SV2C: variants seen among roughly 807,000 people sequenced by gnomAD.
SV2C encodes solute carrier family 22 member B3.
SV2C carries 49 observed loss-of-function variants against 79.7 expected under a neutral mutation model. The ratio of observed to expected loss-of-function variants is 0.61; its 90% CI spans 0.49 to 0.78. The LOEUF is 0.78. SV2C is among the 30% of genes least tolerant of loss of function. SV2C has a pLI of 0.00. For missense variants in SV2C, 833 were observed against 912.9 expected, an observed-to-expected ratio of 0.91 and a Z score of 1.13; for synonymous variants, 334 against 333.2, an observed-to-expected ratio of 1.00 and a Z score of -0.03.
At chr5:76,078,561 C>T (rs1462163810), upstream of SV2C, 1 of 323,224 alleles carries the variant, frequency 3.1e-6, no homozygotes, top group Non-Finnish European at 6.0e-6. Flanking sequence ...TCAAAACATA[C>T]TGTTTTGACT....
At chr5:76,089,463 A>G (rs1744408072) in intron 1 of SV2C, among the ~76,000 whole-genome samples, 2 of 152,114 alleles carry the variant, frequency 1.3e-5, no homozygotes, top group Admixed American at 6.5e-5. Flanking sequence ...TGTCTTTGCT[A>G]TTGTGAATAG....
At chr5:76,291,988 G>T in intron 8 of SV2C, 132 bp downstream of exon 8, 1 of 626,722 alleles carries the variant, frequency 1.6e-6, no homozygotes, top group South Asian at 2.2e-5. Context: ...TTTCAGCTTA[G>T]GTTTGCTGAG....
intron 12 of SV2C, among the ~76,000 whole-genome samples, chr5:76,305,034 G>C (rs1198641550): frequency 6.6e-6 from 1 of 152,106 alleles, no homozygotes; most frequent in Non-Finnish European, 1.5e-5. Context: ...GGGGGAGCAG[G>C]CACATCACAT....
intron 8 of SV2C, among the ~76,000 whole-genome samples, chr5:76,295,222 C>T (rs1174161980): frequency 3.9e-5 from 6 of 152,200 alleles, no homozygotes; most frequent in Admixed American, 6.5e-5. Flanking sequence ...AGTAATGGCA[C>T]AGTCTCTGCT....
In SV2C at chr5:76,224,132, A is replaced by G. The variant is rs574551199; in HGVS notation, c.913+14245A>G. 1.4e-3 allele frequency among the ~76,000 whole-genome samples: 217 copies of G among 152,268 alleles called. 1 individual carries two copies. Among genetic ancestry groups the G allele is most frequent in the Admixed American group, 4.4e-3 (67 of 15,296 alleles). ...CACCCATTATGATCTTAGCAAACAA[A>G]GGGCCCTCTAGCTACTAGAAGGGCT... On this transcript the variant is annotated intron_variant, in intron 4 of 12. Transcript: ENST00000502798.
At chr5:76,252,205 T>A (rs990551427) in intron 4 of SV2C, among the ~76,000 whole-genome samples, 1 of 152,186 alleles carries the variant, frequency 6.6e-6, no homozygotes, top group African/African-American at 2.4e-5. Flanking sequence ...CTGCAACCTC[T>A]GCCTCCTGAG....
the SV2C span, among the ~76,000 whole-genome samples, chr5:76,055,425 G>A: frequency 3.5e-4 from 54 of 152,278 alleles, no homozygotes; most frequent in South Asian, 8.9e-3. Context: ...TTAGTGTCAG[G>A]TAGCATGATG....
the SV2C span, among the ~76,000 whole-genome samples, chr5:75,926,791 A>C: frequency 6.6e-6 from 1 of 152,224 alleles, no homozygotes; most frequent in African/African-American, 2.4e-5. Context: ...CAGTTGAGGA[A>C]TAGGGTACAA....
At chr5:76,218,966 A>G (rs1744985369) in intron 4 of SV2C, among the ~76,000 whole-genome samples, 1 of 99,386 alleles carries the variant, frequency 1.0e-5, no homozygotes, top group Non-Finnish European at 2.2e-5. Context: ...TCAATGGTTC[A>G]CCTGTCATTT....
At chr5:76,005,760 G>A in the SV2C span, among the ~76,000 whole-genome samples, 2 of 152,190 alleles carry the variant, frequency 1.3e-5, no homozygotes, top group Non-Finnish European at 2.9e-5. Flanking sequence ...TGAATGGAAT[G>A]CAGAATGGAG....
intron 2 of SV2C, among the ~76,000 whole-genome samples, chr5:76,152,052 G>A (rs189593950): frequency 1.3e-5 from 2 of 152,300 alleles, no homozygotes; most frequent in Non-Finnish European, 2.9e-5. Context: ...TGAATGTAGG[G>A]AAAGTCTCAG....
At chr5:75,950,364 A>G in the SV2C span, among the ~76,000 whole-genome samples, 1 of 152,044 alleles carries the variant, frequency 6.6e-6, no homozygotes, top group South Asian at 2.1e-4. Flanking sequence ...ATGGCTTACA[A>G]AAAGACCCCA....
chr5:76,308,065 CTGTT>C (rs897634696), intron 12 of SV2C, among the ~76,000 whole-genome samples: 17 of 152,124 alleles, frequency 1.1e-4, no homozygotes, highest in Non-Finnish European at 5.9e-5. Context: ...TGAAATCTTC[CTGTT>C]TATTTGTATG....
chr5:76,073,442 A>G, the SV2C span, among the ~76,000 whole-genome samples: 5 of 148,618 alleles, frequency 3.4e-5, no homozygotes, highest in East Asian at 9.8e-4. Flanking sequence ...CAAAATATGG[A>G]TCCAGCCCAA....
chr5:76,096,056 G>T (rs1005260026), intron 1 of SV2C, among the ~76,000 whole-genome samples: 1 of 152,240 alleles, frequency 6.6e-6, no homozygotes, highest in East Asian at 1.9e-4. Context: ...GGATACAGAA[G>T]CTTTACATAT....
chr5:76,305,943 G>A (rs950820557), intron 12 of SV2C, among the ~76,000 whole-genome samples: 6 of 152,172 alleles, frequency 3.9e-5, no homozygotes, highest in African/African-American at 1.4e-4. Flanking sequence ...CATATGGTTG[G>A]TTTTTCTGGA....
chr5:75,982,835 C>T, the SV2C span, among the ~76,000 whole-genome samples: 5 of 152,124 alleles, frequency 3.3e-5, no homozygotes, highest in Non-Finnish European at 5.9e-5. Flanking sequence ...GTGCTAGAGA[C>T]CACTATCCTT....
chr5:76,053,964 G>C, the SV2C span, among the ~76,000 whole-genome samples: 1 of 151,976 alleles, frequency 6.6e-6, no homozygotes, highest in South Asian at 2.1e-4. Flanking sequence ...AATGGTTAAA[G>C]TAAGTTTGTT....
chr5:76,248,803 G>A (rs997013941), intron 4 of SV2C, among the ~76,000 whole-genome samples: 1 of 152,016 alleles, frequency 6.6e-6, no homozygotes, highest in Non-Finnish European at 1.5e-5. Context: ...ATTTTTAGTA[G>A]AGACAGGATT....
Sources: gnomAD v4.1 joint callset for allele counts (sites outside exome capture counted in the v4.1 genomes callset) on GRCh38, gnomAD v4.1.1 for gene constraint, MANE v1.5 for transcripts, NCBI Gene and HGNC (gene_info 2026-07-23, HGNC 2026-07-21) for gene names.